Variants in IMMP2L observed in about 807,000 individuals in gnomAD.
The protein encoded by IMMP2L is mitochondrial inner membrane protease subunit 2.
Under a neutral mutation model 19.3 loss-of-function variants are expected in IMMP2L, and 18 were observed. The ratio of observed to expected loss-of-function variants is 0.93; its 90% CI spans 0.64 to 1.38. IMMP2L has a LOEUF of 1.38. IMMP2L is among the 40% of genes most tolerant of loss of function. The pLI is 0.00. For synonymous variants in IMMP2L, 76 were observed against 73.0 expected (o/e 1.04, Z -0.21); for missense variants, 233 against 218.2 (o/e 1.07, Z -0.43).
At chr7:111,252,730 A>G (rs1004138130) in intron 3 of IMMP2L, among the ~76,000 whole-genome samples, 5 of 152,186 alleles carry the variant, frequency 3.3e-5, no homozygotes, top group African/African-American at 1.2e-4. Context: ...CTGGCATAAT[A>G]TGCAAATAAT....
rs574950504 is a variant in IMMP2L at position 111,508,646 on chromosome 7, G to A, written c.135+12667C>T. On this transcript the variant is annotated intron_variant, in intron 2 of 5. Transcript: ENST00000405709. ...GCCTTTTATATACTCAGAATGGGGA[G>A]AGTGTGTTGATTGGTTTGTGAGTAT... Among the ~76,000 whole-genome samples the A allele has an allele frequency of 3.2e-4, 49 of 152,298 alleles. 1 individual carries two copies. The highest frequency in any genetic ancestry group is 1.1e-3 in the African/African-American group (45 of 41,576).
At chr7:111,190,517 T>G (rs1808748052) in intron 3 of IMMP2L, among the ~76,000 whole-genome samples, 1 of 152,168 alleles carries the variant, frequency 6.6e-6, no homozygotes, top group African/African-American at 2.4e-5. Flanking sequence ...CACTCCGTTA[T>G]GCACCAATAG....
chr7:111,153,849 T>C (rs1169930580), intron 3 of IMMP2L, among the ~76,000 whole-genome samples: 1 of 152,082 alleles, frequency 6.6e-6, no homozygotes, highest in Non-Finnish European at 1.5e-5. Context: ...TATTGCCTTA[T>C]TAAGTACCAG....
At chr7:111,158,440 A>G (rs1804885585) in intron 3 of IMMP2L, among the ~76,000 whole-genome samples, 1 of 152,136 alleles carries the variant, frequency 6.6e-6, no homozygotes, top group Non-Finnish European at 1.5e-5. Flanking sequence ...ACTGTTCACT[A>G]CATACAGAAA....
chr7:110,698,971 G>A (rs1178351057), intron 5 of IMMP2L, among the ~76,000 whole-genome samples: 1 of 152,180 alleles, frequency 6.6e-6, no homozygotes, highest in Non-Finnish European at 1.5e-5. Context: ...GATTTCCAAT[G>A]AAGGGTGAGG....
rs183600629 is a variant in IMMP2L at position 111,404,554 on chromosome 7, C to T, written c.239+82684G>A. 1.9e-3 allele frequency among the ~76,000 whole-genome samples: 282 copies of T among 152,102 alleles called. 1 individual carries two copies. Among genetic ancestry groups the T allele is most frequent in the African/African-American group, 6.6e-3 (275 of 41,474 alleles). On this transcript the variant is annotated intron_variant, in intron 3 of 5. Transcript: ENST00000405709. ...AAATAAGTAACTACATACAACAGTT[C>T]ACGGAAAACTCAACCACTTAACTAT...
At chr7:110,677,361 C>T (rs1792386327) in intron 5 of IMMP2L, among the ~76,000 whole-genome samples, 1 of 151,870 alleles carries the variant, frequency 6.6e-6, no homozygotes, top group Non-Finnish European at 1.5e-5. Context: ...AATGATGCTC[C>T]CTACTTTATT....
intron 3 of IMMP2L, among the ~76,000 whole-genome samples, chr7:111,075,391 G>C (rs755432369): frequency 6.6e-6 from 1 of 152,078 alleles, no homozygotes; most frequent in Non-Finnish European, 1.5e-5. Flanking sequence ...GCCTCCCAAA[G>C]TACTGGGATT....
intron 3 of IMMP2L, among the ~76,000 whole-genome samples, chr7:111,257,651 C>T (rs925011836): frequency 2.6e-5 from 4 of 152,116 alleles, no homozygotes; most frequent in East Asian, 1.9e-4. Context: ...CTTTGCCCTA[C>T]TGATTCGTTT....
intron 3 of IMMP2L, among the ~76,000 whole-genome samples, chr7:111,354,062 T>C (rs534273942): frequency 6.6e-6 from 1 of 152,066 alleles, no homozygotes; most frequent in South Asian, 2.1e-4. Flanking sequence ...GAGTAGAACA[T>C]CAAGCTTTAT....
chr7:110,988,124 A>C (rs1052797633), intron 3 of IMMP2L, among the ~76,000 whole-genome samples: 2 of 152,252 alleles, frequency 1.3e-5, no homozygotes. Flanking sequence ...AAAGCAGCCT[A>C]AACTAACTGC....
At chr7:111,055,918 G>A (rs1284071678) in intron 3 of IMMP2L, among the ~76,000 whole-genome samples, 3 of 152,172 alleles carry the variant, frequency 2.0e-5, no homozygotes, top group Non-Finnish European at 2.9e-5. Flanking sequence ...ATTGATGTAT[G>A]TGTGGCAATG....
At chr7:110,872,580 C>T (rs565188645) in intron 5 of IMMP2L, among the ~76,000 whole-genome samples, 10 of 152,240 alleles carry the variant, frequency 6.6e-5, no homozygotes, top group African/African-American at 2.4e-4. Flanking sequence ...TGCCCCTAGG[C>T]CAGAATTGGT....
chr7:111,482,905 T>C (rs948358464), intron 3 of IMMP2L, among the ~76,000 whole-genome samples: 2 of 151,964 alleles, frequency 1.3e-5, no homozygotes, highest in Non-Finnish European at 2.9e-5. Flanking sequence ...GTCAATGGCA[T>C]AAAAGACAAA....
At chr7:110,957,338 ATC>A (rs1179953891) in intron 4 of IMMP2L, among the ~76,000 whole-genome samples, 16 of 151,942 alleles carry the variant, frequency 1.1e-4, no homozygotes, top group Admixed American at 6.6e-5. Flanking sequence ...AACTATTTTT[ATC>A]TGAGTCATTT....
chr7:111,540,816 T>C (rs1476022016), intron 1 of IMMP2L, among the ~76,000 whole-genome samples: 1 of 152,190 alleles, frequency 6.6e-6, no homozygotes, highest in East Asian at 1.9e-4. Flanking sequence ...ACCACCCGTT[T>C]ACAATGTTGA....
At chr7:111,147,519 A>C (rs1281609709) in intron 3 of IMMP2L, among the ~76,000 whole-genome samples, 1 of 152,118 alleles carries the variant, frequency 6.6e-6, no homozygotes, top group African/African-American at 2.4e-5. Flanking sequence ...CTAAGCAGCC[A>C]CATAAAAAGT....
intron 2 of IMMP2L, among the ~76,000 whole-genome samples, chr7:111,498,480 G>A (rs962292797): frequency 1.3e-5 from 2 of 151,808 alleles, no homozygotes; most frequent in East Asian, 1.9e-4. Flanking sequence ...CCTATTCATT[G>A]CTAAGTTTTT....
intron 4 of IMMP2L, among the ~76,000 whole-genome samples, chr7:110,895,479 C>T (rs968330345): frequency 2.0e-5 from 3 of 152,156 alleles, no homozygotes; most frequent in Non-Finnish European, 2.9e-5. Flanking sequence ...TTTTGTTATA[C>T]TCCTTTCCAA....
Sources: allele counts gnomAD v4.1 joint callset (sites outside exome capture counted in the v4.1 genomes callset), GRCh38; gene constraint gnomAD v4.1.1; transcripts MANE v1.5; gene names NCBI Gene and HGNC (gene_info 2026-07-23, HGNC 2026-07-21).